The following ETV5 variants were observed in gnomAD, a reference collection of about 807,000 sequenced individuals.
The protein encoded by ETV5 is ETS translocation variant 5.
Under a neutral mutation model 70.0 loss-of-function variants are expected in ETV5, and 10 were observed. The ratio of observed to expected loss-of-function variants is 0.14; its 90% CI spans 0.09 to 0.24. The LOEUF is 0.24. Ranked by LOEUF, ETV5 falls within the 10% of genes least tolerant of loss-of-function variation. ETV5 has a pLI of 1.00. For synonymous variants in ETV5, 216 were observed against 242.2 expected (o/e 0.89, Z 1.01); for missense variants, 453 against 651.2 (o/e 0.70, Z 3.31).
At chr3:186,098,610 G>C (rs1436694272) in intron 5 of ETV5, among the ~76,000 whole-genome samples, 2 of 151,366 alleles carry the variant, frequency 1.3e-5, no homozygotes, top group African/African-American at 4.9e-5. Flanking sequence ...TGAAATCTAC[G>C]CCGAGACTTT....
chr3:186,096,349 T>G (rs1005038397), intron 5 of ETV5, among the ~76,000 whole-genome samples: 1 of 152,198 alleles, frequency 6.6e-6, no homozygotes, highest in African/African-American at 2.4e-5. Context: ...CCCTCTTCTA[T>G]TCTACCTTTT....
At chr3:186,082,477 G>C (rs1250947020) in intron 5 of ETV5, among the ~76,000 whole-genome samples, 3 of 150,594 alleles carry the variant, frequency 2.0e-5, no homozygotes, top group African/African-American at 7.4e-5. Flanking sequence ...GCCCAGGCTG[G>C]CGTGCAATGG....
intron 5 of ETV5, among the ~76,000 whole-genome samples, chr3:186,098,077 C>T (rs993364373): frequency 6.6e-6 from 1 of 152,216 alleles, no homozygotes; most frequent in Non-Finnish European, 1.5e-5. Flanking sequence ...GAAATTCAGA[C>T]ACGGCAGGGG....
Position 186,065,928 on chromosome 3 carries a change from T to C in ETV5, c.795A>G (p.Glu265=), listed in dbSNP as rs759243647. ...APPPPQGFKQ[E]YHDPLYEHGV... ...CATGTTCATAGAGTGGGTCATGGTA[T>C]TCTTGTTTGAATCCCTGAGGGGGCG... Residue 265 remains glutamate, a synonymous_variant, in exon 8 of 13, where the codon GAA becomes GAG. Coordinates refer to ENST00000306376, the MANE Select transcript of ETV5 (RefSeq NM_004454.3). 19 of 1,613,148 alleles carry C rather than the reference T, an allele frequency of 1.2e-5. No homozygotes were observed. Among genetic ancestry groups the C allele is most frequent in the Middle Eastern group, 3.3e-4 (2 of 6,082 alleles).
At chr3:186,098,525 G>T (rs748154843) in intron 5 of ETV5, among the ~76,000 whole-genome samples, 9 of 152,154 alleles carry the variant, frequency 5.9e-5, no homozygotes, top group African/African-American at 1.2e-4. Context: ...GATCCAGCCT[G>T]AAGAGTTCAG....
At chr3:186,059,037 T>A (rs892987605) in intron 9 of ETV5, among the ~76,000 whole-genome samples, 34 of 147,908 alleles carry the variant, frequency 2.3e-4, no homozygotes, top group African/African-American at 4.7e-4. Context: ...AAAATAAAAA[T>A]AAAAAATAAA....
intron 5 of ETV5, among the ~76,000 whole-genome samples, chr3:186,099,367 G>A (rs529611712): frequency 3.9e-5 from 6 of 152,342 alleles, no homozygotes; most frequent in South Asian, 2.1e-4. Flanking sequence ...ACCTAATCCG[G>A]TAATGGCATC....
At chr3:186,090,882 G>A (rs1400496018) in intron 5 of ETV5, among the ~76,000 whole-genome samples, 2 of 152,208 alleles carry the variant, frequency 1.3e-5, no homozygotes, top group African/African-American at 2.4e-5. Context: ...GGCTCCAACT[G>A]TTCAGCCTAG....
At chr3:186,072,958 C>T (rs566155602) in intron 7 of ETV5, among the ~76,000 whole-genome samples, 36 of 152,276 alleles carry the variant, frequency 2.4e-4, no homozygotes, top group Non-Finnish European at 4.3e-4. Flanking sequence ...ATGGTAATAT[C>T]CCACCTCTAC....
chr3:186,064,713 G>GT (rs571440943), intron 8 of ETV5, among the ~76,000 whole-genome samples: 74 of 152,230 alleles, frequency 4.9e-4, no homozygotes, highest in African/African-American at 1.6e-3. Context: ...AAAAAAAGAT[G>GT]TTTCACTCTC....
rs115073066 is a variant in ETV5 at position 186,094,361 on chromosome 3, T to C, written c.232+10944A>G. Among the ~76,000 whole-genome samples the C allele has an allele frequency of 3.0e-3, 458 of 152,306 alleles. 7 individuals carry two copies. Among genetic ancestry groups the C allele is most frequent in the African/African-American group, 0.011 (440 of 41,570 alleles). On this transcript the variant is annotated intron_variant, in intron 5 of 12. Coordinates refer to ENST00000306376, the MANE Select transcript of ETV5 (RefSeq NM_004454.3). ...ATCTTATTCTCGGGACAAAATTGCCTCTTGCAGACAGTAATTTCCAAACAG... is the reference window on the plus strand; with the variant it reads ...ATCTTATTCTCGGGACAAAATTGCCCCTTGCAGACAGTAATTTCCAAACAG...
Position 186,046,834 on chromosome 3 carries a change from T to A in ETV5, c.*1805A>T, listed in dbSNP as rs1712891322. 1 of 231,854 alleles carries A rather than the reference T, an allele frequency of 4.3e-6. No homozygotes were observed. Among genetic ancestry groups the A allele is most frequent in the African/African-American group, 2.2e-5 (1 of 45,162 alleles). The allele number at this position is 231,854 out of a possible 1,614,324, so 14.4% of individuals were successfully genotyped here. On this transcript the variant is annotated 3_prime_UTR_variant, in exon 13 of 13. Coordinates refer to ENST00000306376, the MANE Select transcript of ETV5 (RefSeq NM_004454.3). ...AGCTATAAATATGGTTTAGAAAGAG[T>A]CCTTTGATTAGAGTACAATGCTAAT...
At chr3:186,108,636 C>A (rs1714656579) in intron 1 of ETV5, 2 of 1,169,556 alleles carry the variant, frequency 1.7e-6, no homozygotes, top group Admixed American at 3.8e-5. Flanking sequence ...CGCAACTCCG[C>A]GATCCCCCAT....
At chr3:186,051,947 G>T (rs1008135238) in intron 12 of ETV5, 83 bp downstream of exon 12, 11 of 1,349,566 alleles carry the variant, frequency 8.2e-6, no homozygotes, top group African/African-American at 4.3e-5. Flanking sequence ...TCGTAGCGAC[G>T]ATCACCAGTC....
chr3:186,089,286 GT>G (rs1461574912), intron 5 of ETV5, among the ~76,000 whole-genome samples: 3 of 152,242 alleles, frequency 2.0e-5, no homozygotes, highest in African/African-American at 7.2e-5. Flanking sequence ...ATCAAATTTA[GT>G]TAGGGGACAC....
At chr3:186,071,723 G>C (rs756919793) in intron 7 of ETV5, among the ~76,000 whole-genome samples, 4 of 152,008 alleles carry the variant, frequency 2.6e-5, no homozygotes, top group African/African-American at 9.7e-5. Flanking sequence ...GGGAGCTCGA[G>C]GCGGGCAGAT....
Position 186,105,659 on chromosome 3 carries a change from C to A in ETV5, c.99G>T (p.Lys33Asn), listed in dbSNP as rs1714569815. Residue 33 changes from lysine to asparagine, a missense_variant, in exon 3 of 13, where the codon AAG becomes AAT. Transcript: ENST00000306376. This position sits in a 1 kb window ranked among gnomAD's most constrained non-coding sequence, Gnocchi z 4.5. ...CGTGAGCCAGATCTGTGTCCAAAAACTTCCTCTTTCTGTCAATCACAGGCC... is the reference window on the plus strand; with the variant it reads ...CGTGAGCCAGATCTGTGTCCAAAAAATTCCTCTTTCTGTCAATCACAGGCC... Reference protein sequence around the residue: ...RGRPVIDRKRKFLDTDLAHDS... With the variant: ...RGRPVIDRKRNFLDTDLAHDS... 3.1e-6 allele frequency: 5 copies of A among 1,614,238 alleles called. No individual in the cohort carries two copies. The highest frequency in any genetic ancestry group is 4.2e-6 in the Non-Finnish European group (5 of 1,180,044).
At chr3:186,074,273 C>T (rs936652608) in intron 7 of ETV5, among the ~76,000 whole-genome samples, 3 of 152,000 alleles carry the variant, frequency 2.0e-5, no homozygotes, top group Non-Finnish European at 4.4e-5. Context: ...TAAATTTATT[C>T]AACTAAATAG....
At chr3:186,082,199 A>C (rs1341276121) in intron 5 of ETV5, among the ~76,000 whole-genome samples, 1 of 152,126 alleles carries the variant, frequency 6.6e-6, no homozygotes, top group Non-Finnish European at 1.5e-5. Flanking sequence ...TAGAATGGTT[A>C]CTCCTTGTCT....
Sources: allele counts gnomAD v4.1 joint callset (sites outside exome capture counted in the v4.1 genomes callset), GRCh38; gene constraint gnomAD v4.1.1; non-coding constraint Gnocchi (gnomAD v3.1); transcripts MANE v1.5; gene names NCBI Gene and HGNC (gene_info 2026-07-23, HGNC 2026-07-21).